Variants in RFC3 observed in about 807,000 individuals in gnomAD.
RFC3 encodes the protein replication factor C subunit 3, also known as A1 38 kDa subunit.
RFC3 carries 41 observed loss-of-function variants against 45.1 expected under a neutral mutation model. The ratio of observed to expected loss-of-function variants is 0.91; its 90% CI spans 0.71 to 1.18. The LOEUF is 1.18. Among genes scored for constraint, RFC3 ranks in the 50% most tolerant of loss-of-function variants. The probability of loss-of-function intolerance (pLI) is 0.00; values close to 1 mark genes in which losing one functional copy is unlikely to be tolerated. For missense variants in RFC3, 423 were observed against 428.1 expected, an observed-to-expected ratio of 0.99 and a Z score of 0.10; for synonymous variants, 149 against 144.0, an observed-to-expected ratio of 1.03 and a Z score of -0.25.
chr13:33,953,069 G>T (rs2083000188), intron 8 of RFC3, among the ~76,000 whole-genome samples: 1 of 152,032 alleles, frequency 6.6e-6, no homozygotes, highest in Admixed American at 6.5e-5. Context: ...AGCTCACATT[G>T]AAAAGAAAAA....
chr13:33,855,413 C>G (rs2082302772), intron 8 of RFC3, among the ~76,000 whole-genome samples: 1 of 152,078 alleles, frequency 6.6e-6, no homozygotes, highest in Admixed American at 6.6e-5. Context: ...CATGTCTTTG[C>G]TATTGTGAAT....
At chr13:33,857,082 T>G (rs922946047) in intron 8 of RFC3, among the ~76,000 whole-genome samples, 11 of 152,210 alleles carry the variant, frequency 7.2e-5, no homozygotes, top group Admixed American at 1.3e-4. Flanking sequence ...CTTTTAGATT[T>G]TCATGTCTTT....
chr13:33,894,522 G>A (rs933586599), intron 8 of RFC3, among the ~76,000 whole-genome samples: 43 of 152,168 alleles, frequency 2.8e-4, no homozygotes, highest in Admixed American at 2.0e-4. Flanking sequence ...TGAGGGGCAA[G>A]TGGGAAGTGT....
At chr13:33,893,358 G>C (rs531910737) in intron 8 of RFC3, among the ~76,000 whole-genome samples, 2 of 152,190 alleles carry the variant, frequency 1.3e-5, no homozygotes, top group Admixed American at 1.3e-4. Flanking sequence ...CAACAACCTA[G>C]CACTGAAGAA....
chr13:33,951,433 G>A (rs568796132), intron 8 of RFC3, among the ~76,000 whole-genome samples: 9 of 151,840 alleles, frequency 5.9e-5, no homozygotes, highest in African/African-American at 1.5e-4. Context: ...GGGTTTCACC[G>A]TGTGAGCCAG....
intron 8 of RFC3, among the ~76,000 whole-genome samples, chr13:33,940,393 C>T (rs2082915447): frequency 6.6e-6 from 1 of 152,092 alleles, no homozygotes; most frequent in South Asian, 2.1e-4. Flanking sequence ...ATGATTTCAT[C>T]AGAGAATATT....
Position 33,835,186 on chromosome 13 carries a change from C to T in RFC3, c.848C>T (p.Thr283Ile). ...EVRGRLYELL[T>I]HCIPPEIIMK... ...CGTGGAAGGCTGTATGAGCTTCTAACTCATTGTATTCCTCCTGAGATAATA... is the reference window on the plus strand; with the variant it reads ...CGTGGAAGGCTGTATGAGCTTCTAATTCATTGTATTCCTCCTGAGATAATA... The change falls in exon 8 of 9, where the codon ACT becomes ATT. Residue 283 changes from threonine to isoleucine, a missense_variant. Physicochemically the swap from Thr to Ile is moderately conservative, Grantham distance 89. Coordinates refer to ENST00000380071, the MANE Select transcript of RFC3 (RefSeq NM_002915.4). 6.2e-7 allele frequency: 1 copy of T among 1,609,988 alleles called. No individual in the cohort carries two copies. Among genetic ancestry groups the T allele is most frequent in the Non-Finnish European group, 8.5e-7 (1 of 1,176,504 alleles).
Position 33,934,792 on chromosome 13 carries a change from C to T in RFC3, c.880-31295C>T, listed in dbSNP as rs140918820. On this transcript the variant is annotated intron_variant, in intron 8 of 8. Coordinates refer to the RFC3 transcript ENST00000434425. Reference sequence around the variant, plus strand: ...TTGGTAATCTCCCTACTACTTTTTTCTTTCTAAATGCAAGGTATTCCCTTT... The same window carrying T: ...TTGGTAATCTCCCTACTACTTTTTTTTTTCTAAATGCAAGGTATTCCCTTT... 6.0e-3 allele frequency among the ~76,000 whole-genome samples: 913 copies of T among 152,052 alleles called. 9 individuals are homozygous for T. The highest frequency in any genetic ancestry group is 0.021 in the African/African-American group (862 of 41,512).
intron 8 of RFC3, among the ~76,000 whole-genome samples, chr13:33,931,763 G>T (rs903509765): frequency 7.9e-5 from 12 of 151,896 alleles, no homozygotes; most frequent in African/African-American, 2.4e-5. Flanking sequence ...TCCTCTAAGA[G>T]TCTCCTACCT....
At chr13:33,864,998 G>C (rs1343395700) in intron 8 of RFC3, among the ~76,000 whole-genome samples, 1 of 152,090 alleles carries the variant, frequency 6.6e-6, no homozygotes, top group Non-Finnish European at 1.5e-5. Flanking sequence ...TCAAACTGTA[G>C]AAATAGAAGA....
At chr13:33,852,590 A>G (rs1197464176) in intron 8 of RFC3, among the ~76,000 whole-genome samples, 1 of 148,742 alleles carries the variant, frequency 6.7e-6, no homozygotes, top group Non-Finnish European at 1.5e-5. Flanking sequence ...AATAATAATA[A>G]AAGAGAAAGT....
intron 8 of RFC3, among the ~76,000 whole-genome samples, chr13:33,906,375 T>A (rs1371514435): frequency 6.6e-6 from 1 of 151,728 alleles, no homozygotes; most frequent in Non-Finnish European, 1.5e-5. Flanking sequence ...GTTTGACCAG[T>A]TGTAGGTTCA....
At chr13:33,897,788 C>T (rs2082610672) in intron 8 of RFC3, among the ~76,000 whole-genome samples, 1 of 151,854 alleles carries the variant, frequency 6.6e-6, no homozygotes, top group Non-Finnish European at 1.5e-5. Flanking sequence ...GATAAATAGA[C>T]TACAAATCAA....
At chr13:33,878,851 C>CT (rs1412860117) in intron 8 of RFC3, among the ~76,000 whole-genome samples, 2 of 152,084 alleles carry the variant, frequency 1.3e-5, no homozygotes, top group African/African-American at 2.4e-5. Flanking sequence ...GCCTTTCCTA[C>CT]TTTTTTCAAT....
chr13:33,860,710 G>A (rs897898230), intron 8 of RFC3, among the ~76,000 whole-genome samples: 1 of 152,172 alleles, frequency 6.6e-6, no homozygotes, highest in Admixed American at 6.5e-5. Flanking sequence ...TCTGTCTGCA[G>A]CATGAGTCCC....
chr13:33,934,297 C>T (rs1015898090), intron 8 of RFC3, among the ~76,000 whole-genome samples: 1 of 152,072 alleles, frequency 6.6e-6, no homozygotes, highest in Non-Finnish European at 1.5e-5. Context: ...TGTGCCACTG[C>T]ACTCCAGCCT....
chr13:33,927,420 A>G (rs2082820942), intron 8 of RFC3, among the ~76,000 whole-genome samples: 1 of 152,020 alleles, frequency 6.6e-6, no homozygotes, highest in South Asian at 2.1e-4. Context: ...CTGATTGGTG[A>G]GTGGTGGCAT....
chr13:33,891,150 T>C (rs2082561077), intron 8 of RFC3, among the ~76,000 whole-genome samples: 1 of 152,184 alleles, frequency 6.6e-6, no homozygotes, highest in Admixed American at 6.5e-5. Flanking sequence ...AAACTAAGCA[T>C]TTTTACAATC....
intron 8 of RFC3, among the ~76,000 whole-genome samples, chr13:33,956,114 G>A (rs891662039): frequency 6.6e-6 from 1 of 152,146 alleles, no homozygotes; most frequent in Admixed American, 6.5e-5. Context: ...CTCTCTGCCA[G>A]TGTCCACCAA....
Sources: allele counts gnomAD v4.1 joint callset (sites outside exome capture counted in the v4.1 genomes callset), GRCh38; gene constraint gnomAD v4.1.1; transcripts MANE v1.5; gene names NCBI Gene and HGNC (gene_info 2026-07-23, HGNC 2026-07-21).